The following MCUB variants were observed in gnomAD, a reference collection of about 807,000 sequenced individuals.
The protein encoded by MCUB is calcium uniporter regulatory subunit MCUb, mitochondrial.
In MCUB, 46 loss-of-function variants were observed where a neutral mutation model predicts 41.4. The ratio of observed to expected loss-of-function variants is 1.11; its 90% CI spans 0.88 to 1.42. MCUB has a LOEUF of 1.42. Among genes scored for constraint, MCUB ranks in the 40% most tolerant of loss-of-function variants. The probability of loss-of-function intolerance (pLI) is 0.00; values close to 1 mark genes in which losing one functional copy is unlikely to be tolerated. For synonymous variants in MCUB, 148 were observed against 148.2 expected, an observed-to-expected ratio of 1.00 and a Z score of 0.01; for missense variants, 403 against 404.9, an observed-to-expected ratio of 1.00 and a Z score of 0.04.
chr4:109,641,172 A>T (rs1258803123), intron 1 of MCUB, among the ~76,000 whole-genome samples: 3 of 152,040 alleles, frequency 2.0e-5, no homozygotes, highest in Non-Finnish European at 4.4e-5. Flanking sequence ...GGCTCACTGC[A>T]AGCTTCGCCT....
chr4:109,603,215 C>T (rs1233388486), intron 1 of MCUB, among the ~76,000 whole-genome samples: 1 of 152,188 alleles, frequency 6.6e-6, no homozygotes, highest in Non-Finnish European at 1.5e-5. Context: ...CCTGCCTCAG[C>T]CTGCCGAGTG....
chr4:109,595,232 C>T (rs1298272260), intron 1 of MCUB, among the ~76,000 whole-genome samples: 5 of 152,128 alleles, frequency 3.3e-5, no homozygotes, highest in African/African-American at 9.6e-5. Flanking sequence ...AACAGGGAGA[C>T]GGTTGCCTTC....
intron 4 of MCUB, among the ~76,000 whole-genome samples, chr4:109,674,783 T>C (rs1253294843): frequency 6.6e-6 from 1 of 152,254 alleles, no homozygotes; most frequent in Non-Finnish European, 1.5e-5. Flanking sequence ...ATTAGAATAA[T>C]TTTTAAATGT....
intron 1 of MCUB, among the ~76,000 whole-genome samples, chr4:109,656,121 T>C (rs1259440449): frequency 6.6e-6 from 1 of 152,112 alleles, no homozygotes; most frequent in East Asian, 1.9e-4. Context: ...TGTAATCATT[T>C]TATATTGCCT....
rs1354461516 is a variant in MCUB, at chr4:109,630,946, C to CT, written c.100-28064dup. Among the ~76,000 whole-genome samples, 13 of 152,306 alleles carry CT rather than the reference C, an allele frequency of 8.5e-5. No homozygotes were observed. In the East Asian group the frequency reaches 9.6e-4, roughly 11 times the overall value. ...GTTCCTGGACTTCCTATTATACAAG[C>CT]TGACTCATTATTTGAAGAGTCCCTG... On this transcript the variant is annotated intron_variant, in intron 1 of 7. Coordinates refer to ENST00000394650, the MANE Select transcript of MCUB (RefSeq NM_017918.5).
At chr4:109,607,106 C>T (rs922098607) in intron 1 of MCUB, among the ~76,000 whole-genome samples, 1 of 152,088 alleles carries the variant, frequency 6.6e-6, no homozygotes, top group Non-Finnish European at 1.5e-5. Context: ...TAAGAATAGT[C>T]TACACCACAC....
chr4:109,591,417 C>T (rs1314559005), intron 1 of MCUB, among the ~76,000 whole-genome samples: 1 of 152,030 alleles, frequency 6.6e-6, no homozygotes, highest in Non-Finnish European at 1.5e-5. Context: ...AACTCCTGGC[C>T]TCAGGTGATC....
intron 1 of MCUB, among the ~76,000 whole-genome samples, chr4:109,576,093 A>C (rs1357866485): frequency 6.6e-6 from 1 of 152,222 alleles, no homozygotes; most frequent in Non-Finnish European, 1.5e-5. Context: ...GTGGACCAAG[A>C]AGCAGTAACA....
At chr4:109,573,050 C>A (rs975733346) in intron 1 of MCUB, among the ~76,000 whole-genome samples, 7 of 152,068 alleles carry the variant, frequency 4.6e-5, no homozygotes, top group Admixed American at 1.3e-4. Flanking sequence ...CATAAAATAT[C>A]ATTGTAGGTC....
rs60473457 is a variant in MCUB at position 109,685,661 on chromosome 4, G to A, written c.933+294G>A. Among the ~76,000 whole-genome samples the A allele has an allele frequency of 3.6e-3, 555 of 152,254 alleles. 7 individuals are homozygous for A. The highest frequency in any genetic ancestry group is 0.013 in the East Asian group (69 of 5,188). ...ATTTCTAAGCAAATAATAAAAAATA[G>A]CATTTTAGGAAGGTGAACACTGTGA... On this transcript the variant is annotated intron_variant, in intron 7 of 7. Transcript: ENST00000394650.
intron 1 of MCUB, chr4:109,648,583 A>C (rs181028964): frequency 1.5e-4 from 64 of 435,312 alleles, no homozygotes; most frequent in Admixed American, 6.5e-4. Flanking sequence ...AGACTGAAAT[A>C]TTAAGATAAC....
chr4:109,608,357 G>A (rs1283235353), intron 1 of MCUB, among the ~76,000 whole-genome samples: 1 of 151,812 alleles, frequency 6.6e-6, no homozygotes. Context: ...CTGTCTGAAA[G>A]GTCATGTATC....
chr4:109,584,235 A>G (rs962139609), intron 1 of MCUB, among the ~76,000 whole-genome samples: 2 of 152,076 alleles, frequency 1.3e-5, no homozygotes, highest in Non-Finnish European at 2.9e-5. Context: ...GTTTATTTGC[A>G]TAGAGGTGTT....
intron 1 of MCUB, among the ~76,000 whole-genome samples, chr4:109,634,210 C>T (rs1030364954): frequency 6.6e-5 from 10 of 151,910 alleles, no homozygotes; most frequent in Admixed American, 1.3e-4. Context: ...AGGCCAGGCA[C>T]GGTGGCTCAT....
At chr4:109,672,186 T>C (rs2126148112) in intron 4 of MCUB, among the ~76,000 whole-genome samples, 1 of 152,332 alleles carries the variant, frequency 6.6e-6, no homozygotes, top group South Asian at 2.1e-4. Context: ...GAGGGGTCTG[T>C]AGTTGACTAA....
At chr4:109,601,424 C>T (rs1236920971) in intron 1 of MCUB, among the ~76,000 whole-genome samples, 2 of 151,826 alleles carry the variant, frequency 1.3e-5, no homozygotes, top group East Asian at 1.9e-4. Context: ...TGGTAACCAT[C>T]CTTCTACTTT....
intron 4 of MCUB, among the ~76,000 whole-genome samples, chr4:109,679,138 G>T (rs1425388779): frequency 3.3e-5 from 5 of 149,990 alleles, no homozygotes; most frequent in Non-Finnish European, 7.4e-5. Flanking sequence ...GGGATGGCCG[G>T]GCAGAGGTGC....
chr4:109,675,671 G>C (rs1334725612), intron 4 of MCUB, among the ~76,000 whole-genome samples: 3 of 152,230 alleles, frequency 2.0e-5, no homozygotes, highest in Non-Finnish European at 4.4e-5. Context: ...GTGTTGTGGT[G>C]TTGGGATGTG....
Position 109,687,868 on chromosome 4 carries a change from G to A in MCUB, c.*276G>A, listed in dbSNP as rs1489870678. 3 of 380,480 alleles carry A rather than the reference G, an allele frequency of 7.9e-6. No individual in the cohort carries two copies. Among genetic ancestry groups the A allele is most frequent in the Admixed American group, 4.5e-5 (1 of 22,022 alleles). 23.6% of individuals were successfully genotyped at this position (380,480 alleles called of 1,614,324 possible). A position where few individuals can be genotyped will look rare whatever the true frequency, so the allele number is the denominator to read the frequency against. ...CTTGTCCCACGTTTATTCTCTATGT[G>A]GAGGTGAAAGGGTCTGTGCTTGGCA... On this transcript the variant is annotated 3_prime_UTR_variant, in exon 8 of 8. Coordinates refer to ENST00000394650, the MANE Select transcript of MCUB (RefSeq NM_017918.5).
Sources: allele counts gnomAD v4.1 joint callset (sites outside exome capture counted in the v4.1 genomes callset), GRCh38; gene constraint gnomAD v4.1.1; transcripts MANE v1.5; gene names NCBI Gene and HGNC (gene_info 2026-07-23, HGNC 2026-07-21).